Variants in GPM6A observed in about 807,000 individuals in gnomAD.
GPM6A encodes neuronal membrane glycoprotein M6-a.
In GPM6A, 7 loss-of-function variants were observed where a neutral mutation model predicts 32.1. The ratio of observed to expected loss-of-function variants is 0.22; its 90% CI spans 0.12 to 0.41. The LOEUF is 0.41. Ranked by LOEUF, GPM6A falls within the 10% of genes least tolerant of loss-of-function variation. GPM6A has a pLI of 1.00. For missense variants in GPM6A, 235 were observed against 347.2 expected (o/e 0.68, Z 2.57); for synonymous variants, 130 against 123.4 (o/e 1.05, Z -0.35).
At chr4:175,671,823 C>T (rs1743088268) in intron 3 of GPM6A, among the ~76,000 whole-genome samples, 2 of 152,138 alleles carry the variant, frequency 1.3e-5, no homozygotes, top group South Asian at 4.1e-4. Flanking sequence ...CCTGTCTCTG[C>T]TCTGCTCATT....
intron 1 of GPM6A, among the ~76,000 whole-genome samples, chr4:175,897,913 G>A (rs1005079996): frequency 1.3e-5 from 2 of 152,050 alleles, no homozygotes; most frequent in Admixed American, 1.3e-4. Context: ...TCTTCTCTTG[G>A]CAACATTAAT....
intron 1 of GPM6A, among the ~76,000 whole-genome samples, chr4:175,987,970 ATTAT>A (rs1204806976): frequency 2.6e-5 from 4 of 152,134 alleles, no homozygotes; most frequent in African/African-American, 9.7e-5. Flanking sequence ...AGAAATTAGA[ATTAT>A]TTGTTAGTTG....
At chr4:175,679,370 C>T (rs1177867400) in intron 2 of GPM6A, among the ~76,000 whole-genome samples, 2 of 152,118 alleles carry the variant, frequency 1.3e-5, no homozygotes, top group East Asian at 3.9e-4. Context: ...TCCTCACTCA[C>T]ACAAAGCCCT....
At chr4:175,729,075 T>G (rs558238513) in intron 1 of GPM6A, among the ~76,000 whole-genome samples, 1 of 152,280 alleles carries the variant, frequency 6.6e-6, no homozygotes, top group Admixed American at 6.5e-5. Flanking sequence ...TTCCCCAAAT[T>G]GTATTAGCCA....
chr4:175,931,709 C>CACACACACACACATATATAT (rs1324269132), intron 1 of GPM6A, among the ~76,000 whole-genome samples: 4 of 129,298 alleles, frequency 3.1e-5, no homozygotes, highest in African/African-American at 8.6e-5. Context: ...CACACACACA[C>CACACACACACACATATATAT]ATATATATAT....
intron 1 of GPM6A, among the ~76,000 whole-genome samples, chr4:175,930,201 A>G (rs930680995): frequency 1.3e-5 from 2 of 152,128 alleles, no homozygotes; most frequent in African/African-American, 4.8e-5. Flanking sequence ...TCTTTCGTTA[A>G]TAACATTCTG....
At chr4:175,832,782 G>A (rs1735654997) in intron 1 of GPM6A, among the ~76,000 whole-genome samples, 2 of 152,168 alleles carry the variant, frequency 1.3e-5, no homozygotes, top group African/African-American at 2.4e-5. Context: ...TTTAATGCAA[G>A]AGAAAGAAAA....
intron 2 of GPM6A, among the ~76,000 whole-genome samples, chr4:175,682,435 G>T (rs1743740006): frequency 6.6e-6 from 1 of 152,252 alleles, no homozygotes; most frequent in South Asian, 2.1e-4. Context: ...AGCAGGACGT[G>T]GAGCAATCTC....
At chr4:175,861,502 A>G (rs554826605) in intron 1 of GPM6A, among the ~76,000 whole-genome samples, 1 of 151,838 alleles carries the variant, frequency 6.6e-6, no homozygotes, top group Non-Finnish European at 1.5e-5. Context: ...TTGTAATCCA[A>G]GCAATTTCAG....
intron 1 of GPM6A, among the ~76,000 whole-genome samples, chr4:175,943,332 A>T (rs1739478462): frequency 6.6e-6 from 1 of 152,188 alleles, no homozygotes; most frequent in Non-Finnish European, 1.5e-5. Context: ...GCAAAGAGAC[A>T]ATTTGACTTC....
chr4:175,913,950 C>T (rs1344616029), intron 1 of GPM6A, among the ~76,000 whole-genome samples: 1 of 152,134 alleles, frequency 6.6e-6, no homozygotes, highest in Non-Finnish European at 1.5e-5. Flanking sequence ...TTCCACGTGA[C>T]TGTAAACCAA....
intron 1 of GPM6A, among the ~76,000 whole-genome samples, chr4:175,759,031 C>T (rs187999487): frequency 3.3e-5 from 5 of 152,280 alleles, no homozygotes; most frequent in Admixed American, 2.0e-4. Context: ...TTCTAAAAAA[C>T]AATATTGTGC....
chr4:175,835,679 A>T lies in GPM6A; in HGVS notation c.-22-23430T>A, dbSNP rs370789284. 4.7e-3 allele frequency among the ~76,000 whole-genome samples: 684 copies of T among 146,796 alleles called. 6 individuals are homozygous for T. The highest frequency in any genetic ancestry group is 0.029 in the South Asian group (138 of 4,728). ...TGTATGTTTGTGTATAATATATAATATATACTTTATAAATATATATAATAT... is the reference window on the plus strand; with the variant it reads ...TGTATGTTTGTGTATAATATATAATTTATACTTTATAAATATATATAATAT... On this transcript the variant is annotated intron_variant, in intron 1 of 7. Coordinates refer to the GPM6A transcript ENST00000280187.
chr4:175,810,468 ATCTTCCCCTCACGGCATAGCCACC>A (rs1734873670), intron 1 of GPM6A, among the ~76,000 whole-genome samples: 1 of 152,144 alleles, frequency 6.6e-6, no homozygotes, highest in South Asian at 2.1e-4. Flanking sequence ...TGTGACAGAA[ATCTTCCCCTCACGGCATAGCCACC>A]TCCACCCCCA....
intron 1 of GPM6A, among the ~76,000 whole-genome samples, chr4:175,748,052 A>G (rs1318667977): frequency 6.6e-6 from 1 of 152,220 alleles, no homozygotes; most frequent in Non-Finnish European, 1.5e-5. Flanking sequence ...GTGAGATTGT[A>G]GCAATTCAGT....
intron 1 of GPM6A, among the ~76,000 whole-genome samples, chr4:175,908,350 C>G (rs1738197201): frequency 6.6e-6 from 1 of 152,048 alleles, no homozygotes; most frequent in Admixed American, 6.6e-5. Flanking sequence ...TTGAACATGC[C>G]TAGATTCTTC....
At chr4:175,675,572 A>T (rs1310881716) in intron 2 of GPM6A, among the ~76,000 whole-genome samples, 1 of 152,154 alleles carries the variant, frequency 6.6e-6, no homozygotes, top group East Asian at 1.9e-4. Flanking sequence ...TAAACCCACT[A>T]ATCTTCCTTT....
At chr4:175,976,212 T>G (rs1043430800) in intron 1 of GPM6A, among the ~76,000 whole-genome samples, 3 of 150,252 alleles carry the variant, frequency 2.0e-5, no homozygotes, top group South Asian at 4.2e-4. Flanking sequence ...CAGGCTGGAG[T>G]GCAGCTGCAA....
At chr4:175,946,577 C>T (rs1739612940) in intron 1 of GPM6A, among the ~76,000 whole-genome samples, 1 of 152,004 alleles carries the variant, frequency 6.6e-6, no homozygotes, top group South Asian at 2.1e-4. Flanking sequence ...TCAGGGAAGA[C>T]GTTTTTGAGG....
Sources: gnomAD v4.1 joint callset for allele counts (sites outside exome capture counted in the v4.1 genomes callset) on GRCh38, gnomAD v4.1.1 for gene constraint, MANE v1.5 for transcripts, NCBI Gene and HGNC (gene_info 2026-07-23, HGNC 2026-07-21) for gene names.